Variants in IQCH observed in about 807,000 individuals in gnomAD.
IQCH encodes IQ domain-containing protein H.
IQCH carries 98 observed loss-of-function variants against 117.0 expected under a neutral mutation model. That is an observed-to-expected ratio of 0.84 (90% CI 0.71 to 0.99). The LOEUF (loss-of-function observed/expected upper bound fraction) is 0.99, where lower values mean the gene tolerates loss of function less well. Ranked by LOEUF, IQCH falls within the 50% of genes least tolerant of loss-of-function variation. The pLI, the probability that IQCH is intolerant of heterozygous loss-of-function variation, is 0.00. For missense variants in IQCH, 1,102 were observed against 1,243.8 expected (o/e 0.89, Z 1.72); for synonymous variants, 412 against 448.2 (o/e 0.92, Z 1.02).
chr15:67,426,638 G>A lies in IQCH; in HGVS notation c.2505+5061G>A, dbSNP rs1225620278. ...ATAAAAATAAAAATAAAAATGAAAA[G>A]CTAAATAGAACTTGGAACATAGTAA... On this transcript the variant is annotated intron_variant, in intron 16 of 20. Coordinates refer to ENST00000335894, the MANE Select transcript of IQCH (RefSeq NM_001031715.3). This position sits in a 1 kb window ranked among gnomAD's most constrained non-coding sequence, Gnocchi z 5.1. Among the ~76,000 whole-genome samples, 1 of 151,222 alleles carries A rather than the reference G, an allele frequency of 6.6e-6. No individual in the cohort carries two copies. The highest frequency in any genetic ancestry group is 1.5e-5 in the Non-Finnish European group (1 of 67,832).
At position 67,372,606 on chromosome 15, in the gene IQCH, A is replaced by G. The variant is rs1285820539; in HGVS notation, c.1249A>G (p.Lys417Glu). Reference sequence around the variant, plus strand: ...ATATTGCCATAAGACTCGACTAAAGAAGATACTAAAGGAATCACGTCAGAG... The same window carrying G: ...ATATTGCCATAAGACTCGACTAAAGGAGATACTAAAGGAATCACGTCAGAG... ...LLYCHKTRLK[K>E]ILKESRQRHL... The change falls in exon 9 of 21, where the codon AAG becomes GAG. Residue 417 changes from lysine (K) to glutamate (E), a missense_variant. Around this residue, in one of 2 missense-constraint regions of IQCH, gnomAD observed 650 missense variants for 794.3 expected, o/e 0.82. Transcript: ENST00000335894. The G allele has an allele frequency of 6.2e-7, 1 of 1,613,596 alleles. No homozygotes were observed. Among genetic ancestry groups the G allele is most frequent in the Non-Finnish European group, 8.5e-7 (1 of 1,179,850 alleles).
intron 4 of IQCH, among the ~76,000 whole-genome samples, chr15:67,330,666 AAAAC>A (rs1372229251): frequency 1.3e-5 from 2 of 152,208 alleles, no homozygotes; most frequent in Non-Finnish European, 2.9e-5. Context: ...AAAACAACAA[AAAAC>A]AAACAAAAAA....
In IQCH at chr15:67,427,693, C is replaced by G. The variant is rs1001008586; in HGVS notation, c.2505+6116C>G. Among the ~76,000 whole-genome samples the G allele has an allele frequency of 1.3e-5, 2 of 152,066 alleles. No individual in the cohort carries two copies. Among genetic ancestry groups the G allele is most frequent in the Non-Finnish European group, 2.9e-5 (2 of 68,024 alleles). On this transcript the variant is annotated intron_variant, in intron 16 of 20. Coordinates refer to ENST00000335894, the MANE Select transcript of IQCH (RefSeq NM_001031715.3). This position sits in a 1 kb window ranked among gnomAD's most constrained non-coding sequence, Gnocchi z 4.7. ...CACTTATTTTCTGTATCAGCAAATT[C>G]AAATGTTAATAATAATCATCCACTT... is the stretch of plus-strand genomic sequence containing the variant.
At position 67,399,510 on chromosome 15, in the gene IQCH, T is replaced by G. The variant is rs116376642; in HGVS notation, c.1906-604T>G. On this transcript the variant is annotated intron_variant, in intron 13 of 20. Coordinates refer to ENST00000335894, the MANE Select transcript of IQCH (RefSeq NM_001031715.3). ...TCAAGTAGGTGTGTATTCCAGGAAG[T>G]TTGCTTTCACAAATGTTTTATCTCC... Among the ~76,000 whole-genome samples the G allele has an allele frequency of 6.3e-3, 954 of 152,332 alleles. 13 individuals carry two copies. Among genetic ancestry groups the G allele is most frequent in the African/African-American group, 0.02 (842 of 41,578 alleles).
At position 67,403,294 on chromosome 15, in the gene IQCH, A is replaced by T. The variant is rs141748290; in HGVS notation, c.2097+2989A>T. Reference sequence around the variant, plus strand: ...CTCTTTTTTCACCTATGTAATTTGGAACCAGAGTTATCTGGCTGGTTATAG... The same window carrying T: ...CTCTTTTTTCACCTATGTAATTTGGTACCAGAGTTATCTGGCTGGTTATAG... On this transcript the variant is annotated intron_variant, in intron 14 of 20. Transcript: ENST00000335894. The surrounding 1 kb of genome is among the most constrained non-coding windows in gnomAD (Gnocchi z 4.8). Among the ~76,000 whole-genome samples the T allele has an allele frequency of 4.9e-4, 75 of 152,234 alleles. 2 individuals are homozygous for T. The East Asian group carries it at 6.0e-3, about 12-fold the overall frequency.
chr15:67,401,078 G>A lies in IQCH; in HGVS notation c.2097+773G>A, dbSNP rs1971641333. The stretch of plus-strand genomic sequence containing the variant: ...CATGTGTTTTTGAAGACAATTCAAG[G>A]AAATTTATGTAAGTGCTGGTCCCTG... On this transcript the variant is annotated intron_variant, in intron 14 of 20. Transcript: ENST00000335894. This position sits in a 1 kb window ranked among gnomAD's most constrained non-coding sequence, Gnocchi z 4.7. Among the ~76,000 whole-genome samples the A allele has an allele frequency of 6.6e-6, 1 of 152,120 alleles. No homozygotes were observed. Among genetic ancestry groups the A allele is most frequent in the Non-Finnish European group, 1.5e-5 (1 of 68,034 alleles).
chr15:67,389,053 T>G (rs1242886641), intron 12 of IQCH, 47 bp downstream of exon 12: 3 of 1,490,354 alleles, frequency 2.0e-6, no homozygotes, highest in Non-Finnish European at 2.8e-6. Context: ...GCAGTAAAAT[T>G]AAATTGGAAA....
At position 67,395,610 on chromosome 15, in the gene IQCH, C is replaced by T. The variant is rs1204994842; in HGVS notation, c.1905+47C>T. 1 of 1,573,110 alleles carries T rather than the reference C, an allele frequency of 6.4e-7. No homozygotes were observed. The highest frequency in any genetic ancestry group is 8.7e-7 in the Non-Finnish European group (1 of 1,151,944). ...AGCTCTGTTCAAATATTTGAAACAT[C>T]CTCTTGATCTTGGACAATTTCCAAG... is the stretch of plus-strand genomic sequence containing the variant. On this transcript the variant is annotated intron_variant, in intron 13 of 20. Coordinates refer to ENST00000335894, the MANE Select transcript of IQCH (RefSeq NM_001031715.3). The surrounding 1 kb of genome is among the most constrained non-coding windows in gnomAD (Gnocchi z 4.0).
chr15:67,268,933 TATAAA>T (rs1965786622), intron 3 of IQCH, among the ~76,000 whole-genome samples: 1 of 97,512 alleles, frequency 1.0e-5, no homozygotes, highest in African/African-American at 3.1e-5. Context: ...AAAACAGAAT[TATAAA>T]ATAAAACATA....
At chr15:67,448,707 C>A (rs1278961214) in intron 16 of IQCH, among the ~76,000 whole-genome samples, 1 of 152,130 alleles carries the variant, frequency 6.6e-6, no homozygotes, top group East Asian at 1.9e-4. Flanking sequence ...GTCTTTATAG[C>A]AGCATGATTT....
intron 16 of IQCH, among the ~76,000 whole-genome samples, chr15:67,437,008 C>A (rs1045659256): frequency 3.3e-5 from 5 of 151,536 alleles, no homozygotes; most frequent in Non-Finnish European, 7.4e-5. Flanking sequence ...CTTGGGAGTT[C>A]TAGGGCCCCA....
chr15:67,277,599 T>C (rs1370860687), intron 3 of IQCH, among the ~76,000 whole-genome samples: 5 of 149,684 alleles, frequency 3.3e-5, no homozygotes, highest in Non-Finnish European at 7.4e-5. Context: ...AGTGGCGCAA[T>C]CTCGGCTCAC....
intron 4 of IQCH, among the ~76,000 whole-genome samples, chr15:67,301,415 T>TG (rs1327941633): frequency 3.0e-5 from 4 of 133,188 alleles, no homozygotes; most frequent in Non-Finnish European, 6.4e-5. Flanking sequence ...TTTTTTTTTT[T>TG]TTTTTTTTTT....
chr15:67,448,705 A>C (rs931027294), intron 16 of IQCH, among the ~76,000 whole-genome samples: 31 of 152,266 alleles, frequency 2.0e-4, no homozygotes, highest in Non-Finnish European at 3.4e-4. Context: ...GTGTCTTTAT[A>C]GCAGCATGAT....
At chr15:67,389,615 G>A (rs1971219432) in intron 12 of IQCH, among the ~76,000 whole-genome samples, 2 of 151,494 alleles carry the variant, frequency 1.3e-5, no homozygotes, top group African/African-American at 2.4e-5. Context: ...ACAAAAGATG[G>A]CTTAAAACGA....
chr15:67,414,177 C>T (rs2081517610), intron 14 of IQCH, among the ~76,000 whole-genome samples: 1 of 152,190 alleles, frequency 6.6e-6, no homozygotes, highest in Admixed American at 6.5e-5. Flanking sequence ...TGAGAGGTTT[C>T]ACGTTTTATC....
chr15:67,397,933 G>T (rs1320207234), intron 13 of IQCH, among the ~76,000 whole-genome samples: 1 of 152,132 alleles, frequency 6.6e-6, no homozygotes, highest in Non-Finnish European at 1.5e-5. Context: ...GGGAAATATT[G>T]ACAGCTTTGG....
rs1318940874 is a variant in IQCH at position 67,450,832 on chromosome 15, G to A, written c.2506-14295G>A. ...CCTCTTTGTACCGCTGGTAGAATTC[G>A]GCTGTGAATCCATCTGGTCCTGGAC... On this transcript the variant is annotated intron_variant, in intron 16 of 20. Coordinates refer to ENST00000335894, the MANE Select transcript of IQCH (RefSeq NM_001031715.3). Among the ~76,000 whole-genome samples, 13 of 151,934 alleles carry A rather than the reference G, an allele frequency of 8.6e-5. No homozygotes were observed. In the South Asian group the frequency reaches 1.0e-3, roughly 12 times the overall value.
rs368875296 is a variant in IQCH at position 67,418,513 on chromosome 15, CCACACACA to C, written c.2218+1495_2218+1502del. 8.9e-4 allele frequency among the ~76,000 whole-genome samples: 101 copies of C among 114,106 alleles called. 1 individual carries two copies. The highest frequency in any genetic ancestry group is 2.6e-3 in the African/African-American group (77 of 29,468). 74.9% of individuals were successfully genotyped at this position (114,106 alleles called of 152,430 possible). A position where few individuals can be genotyped will look rare whatever the true frequency, so the allele number is the denominator to read the frequency against. On this transcript the variant is annotated intron_variant, in intron 15 of 20. Transcript: ENST00000335894. ...TAAATGGAAGAAAATCAAGTGGCTA[CCACACACA>C]CACACACACACACACACACACACAC...
Sources: allele counts gnomAD v4.1 joint callset (sites outside exome capture counted in the v4.1 genomes callset), GRCh38; gene constraint gnomAD v4.1.1; regional missense constraint gnomAD v4.1.1; non-coding constraint Gnocchi (gnomAD v3.1); transcripts MANE v1.5; gene names NCBI Gene and HGNC (gene_info 2026-07-23, HGNC 2026-07-21).